The following CNTNAP5 variants were observed in gnomAD, a reference collection of about 807,000 sequenced individuals.
CNTNAP5 encodes the protein contactin-associated protein-like 5.
CNTNAP5 carries 72 observed loss-of-function variants against 150.2 expected under a neutral mutation model. That is an observed-to-expected ratio of 0.48 (90% CI 0.40 to 0.58). CNTNAP5 has a LOEUF of 0.58. CNTNAP5 is among the 20% of genes least tolerant of loss of function. The probability of loss-of-function intolerance (pLI) is 0.00; values close to 1 mark genes in which losing one functional copy is unlikely to be tolerated. For missense variants in CNTNAP5, 1,636 were observed against 1,626.2 expected (o/e 1.01, Z -0.10); for synonymous variants, 672 against 619.8 (o/e 1.08, Z -1.25).
At chr2:124,312,638 T>G (rs1344714056) in intron 3 of CNTNAP5, among the ~76,000 whole-genome samples, 1 of 152,226 alleles carries the variant, frequency 6.6e-6, no homozygotes, top group Non-Finnish European at 1.5e-5. Flanking sequence ...TGGCACTACC[T>G]CGGCTCACTG....
At chr2:124,177,900 G>A (rs1282357621) in intron 1 of CNTNAP5, among the ~76,000 whole-genome samples, 1 of 150,830 alleles carries the variant, frequency 6.6e-6, no homozygotes, top group Non-Finnish European at 1.5e-5. Context: ...AGGCTGGAGT[G>A]CAGTGGCATG....
rs191495717 is a variant in CNTNAP5, at chr2:124,628,537, G to A, written c.1876+18617G>A. On this transcript the variant is annotated intron_variant, in intron 12 of 23. Transcript: ENST00000682447. ...ATGCTGAGGCATTTTTTCACCAGCA[G>A]GCCTGCCTTGCAAGAGCTCCTGAAG... Among the ~76,000 whole-genome samples, 958 of 152,184 alleles carry A rather than the reference G, an allele frequency of 6.3e-3. 5 individuals carry two copies. The highest frequency in any genetic ancestry group is 0.01 in the Non-Finnish European group (698 of 68,000).
chr2:124,681,164 T>C (rs1047960310), intron 13 of CNTNAP5, among the ~76,000 whole-genome samples: 1 of 149,588 alleles, frequency 6.7e-6, no homozygotes, highest in Non-Finnish European at 1.5e-5. Flanking sequence ...TAGCCGGGCA[T>C]GGTGGTGGGC....
chr2:124,389,239 G>A lies in CNTNAP5; in HGVS notation c.382-28204G>A, dbSNP rs74987494. 3.4e-3 allele frequency among the ~76,000 whole-genome samples: 515 copies of A among 152,276 alleles called. 3 individuals carry two copies. The highest frequency in any genetic ancestry group is 0.011 in the African/African-American group (476 of 41,566). On this transcript the variant is annotated intron_variant, in intron 3 of 23. Coordinates refer to ENST00000682447, the MANE Select transcript of CNTNAP5 (RefSeq NM_001367498.1). ...AAGTGTTTTGTTTGAAAAAAAATAT[G>A]TGTTGCTACAACTTGGAGAAAAGAC...
intron 13 of CNTNAP5, among the ~76,000 whole-genome samples, chr2:124,687,982 T>C (rs1679227228): frequency 6.6e-6 from 1 of 152,106 alleles, no homozygotes. Flanking sequence ...TTCAAATTTA[T>C]GAAACTCCTG....
intron 13 of CNTNAP5, among the ~76,000 whole-genome samples, chr2:124,665,782 A>C (rs1461901773): frequency 6.6e-6 from 1 of 151,898 alleles, no homozygotes; most frequent in African/African-American, 2.4e-5. Flanking sequence ...GCTGCTTAGG[A>C]GGCTGAGGCA....
intron 11 of CNTNAP5, among the ~76,000 whole-genome samples, chr2:124,591,267 GTGA>G (rs1170420170): frequency 6.6e-6 from 1 of 152,142 alleles, no homozygotes; most frequent in African/African-American, 2.4e-5. Context: ...AACAGAAAAT[GTGA>G]TGATTTCCTC....
intron 1 of CNTNAP5, among the ~76,000 whole-genome samples, chr2:124,027,817 A>G (rs752072597): frequency 6.6e-6 from 1 of 152,216 alleles, no homozygotes; most frequent in Non-Finnish European, 1.5e-5. Context: ...AATGATCATT[A>G]TGCTGTACAA....
At chr2:124,354,681 A>T (rs1689954965) in intron 3 of CNTNAP5, among the ~76,000 whole-genome samples, 1 of 152,208 alleles carries the variant, frequency 6.6e-6, no homozygotes. Context: ...CTTATGAAAC[A>T]CGTATTTCCT....
At chr2:124,165,525 G>C (rs957479289) in intron 1 of CNTNAP5, among the ~76,000 whole-genome samples, 1 of 152,122 alleles carries the variant, frequency 6.6e-6, no homozygotes, top group Non-Finnish European at 1.5e-5. Context: ...TTACCAGAAT[G>C]CCTGGCACGC....
intron 1 of CNTNAP5, among the ~76,000 whole-genome samples, chr2:124,102,694 C>T (rs1386097495): frequency 6.6e-6 from 1 of 152,194 alleles, no homozygotes; most frequent in African/African-American, 2.4e-5. Context: ...GCTGGTTTCT[C>T]CATCTGCGCT....
intron 11 of CNTNAP5, among the ~76,000 whole-genome samples, chr2:124,582,937 C>T (rs558207914): frequency 3.9e-4 from 59 of 151,786 alleles, no homozygotes; most frequent in Non-Finnish European, 7.9e-4. Context: ...TCAGTTTTTC[C>T]TCTAGTATGG....
chr2:124,030,440 A>C (rs552143394), intron 1 of CNTNAP5, among the ~76,000 whole-genome samples: 95 of 152,232 alleles, frequency 6.2e-4, no homozygotes, highest in Admixed American at 4.8e-3. Context: ...AAACAATAAA[A>C]AATCAACATC....
At chr2:124,405,561 G>A (rs549980576) in intron 3 of CNTNAP5, among the ~76,000 whole-genome samples, 2 of 152,060 alleles carry the variant, frequency 1.3e-5, no homozygotes, top group East Asian at 1.9e-4. Context: ...TTACGACCTC[G>A]GATCACTTAA....
At chr2:124,748,916 G>A (rs1187018523) in intron 14 of CNTNAP5, among the ~76,000 whole-genome samples, 1 of 152,162 alleles carries the variant, frequency 6.6e-6, no homozygotes, top group Non-Finnish European at 1.5e-5. Context: ...CATTCTGTGA[G>A]CCCCCACTTT....
intron 12 of CNTNAP5, 92 bp downstream of exon 12, chr2:124,610,012 T>G (rs1677345926): frequency 7.1e-7 from 1 of 1,417,864 alleles, no homozygotes; most frequent in Non-Finnish European, 9.4e-7. Flanking sequence ...CCTACGTGAA[T>G]AAAAATTTGA....
At chr2:124,286,672 G>T (rs1316618111) in intron 3 of CNTNAP5, among the ~76,000 whole-genome samples, 1 of 152,136 alleles carries the variant, frequency 6.6e-6, no homozygotes, top group Non-Finnish European at 1.5e-5. Context: ...TTGGCCTACA[G>T]ACCAAGACAT....
chr2:124,875,723 CT>C (rs1558809867), intron 21 of CNTNAP5, among the ~76,000 whole-genome samples: 1 of 71,212 alleles, frequency 1.4e-5, no homozygotes, highest in Admixed American at 1.4e-4. Context: ...TTTCTGTTTT[CT>C]TTTTTGTTAA....
chr2:124,622,500 T>A (rs1677638843), intron 12 of CNTNAP5, among the ~76,000 whole-genome samples: 1 of 152,158 alleles, frequency 6.6e-6, no homozygotes, highest in Non-Finnish European at 1.5e-5. Flanking sequence ...ACAGGATTGC[T>A]GGGTCAAATG....
Sources: allele counts gnomAD v4.1 joint callset (sites outside exome capture counted in the v4.1 genomes callset), GRCh38; gene constraint gnomAD v4.1.1; transcripts MANE v1.5; gene names NCBI Gene and HGNC (gene_info 2026-07-23, HGNC 2026-07-21).